The following SECISBP2 variants were observed in gnomAD, a reference collection of about 807,000 sequenced individuals.
SECISBP2 encodes the protein SECIS binding protein 2, also known as selenocysteine insertion sequence-binding protein 2.
A neutral mutation model predicts 98.2 loss-of-function variants in SECISBP2; 96 were observed. That is an observed-to-expected ratio of 0.98 (90% confidence interval 0.83 to 1.16). SECISBP2 has a LOEUF of 1.16. Ranked by LOEUF, SECISBP2 falls within the 50% of genes most tolerant of loss-of-function variation. The probability of loss-of-function intolerance (pLI) is 0.00; values close to 1 mark genes in which losing one functional copy is unlikely to be tolerated. For missense variants in SECISBP2, 1,046 were observed against 1,022.9 expected, an observed-to-expected ratio of 1.02 and a Z score of -0.31; for synonymous variants, 407 against 370.2, an observed-to-expected ratio of 1.10 and a Z score of -1.14.
chr9:89,360,952 GAA>G (rs1832715760), downstream of SECISBP2: 3 of 152,338 alleles, frequency 2.0e-5, no homozygotes, highest in African/African-American at 7.2e-5. Flanking sequence ...GACTTCAGGA[GAA>G]GAGACAGAAA....
intron 7 of SECISBP2, among the ~76,000 whole-genome samples, chr9:89,336,524 AAT>A (rs1554720338): frequency 1.3e-5 from 2 of 152,204 alleles, no homozygotes; most frequent in Non-Finnish European, 2.9e-5. Context: ...CCAAAAATGT[AAT>A]TAGCCCATTC....
chr9:89,350,763 T>G lies in SECISBP2; in HGVS notation c.2024T>G (p.Leu675Trp). ...GCCAAGACTAAACGTCGACTTGTGT[T>G]GGGGTTGAGGGAGGTTCTCAAACAC... ...VKAKTKRRLV[L>W]GLREVLKHLK... The change falls in exon 14 of 17, where the codon TTG becomes TGG. Residue 675 changes from leucine (L) to tryptophan (W), a missense_variant. Physicochemically the swap from Leu to Trp is moderately conservative, Grantham distance 61 (BLOSUM62 -2). Transcript: ENST00000375807. The G allele has an allele frequency of 1.2e-6, 2 of 1,614,226 alleles. No individual in the cohort carries two copies. Among genetic ancestry groups the G allele is most frequent in the Non-Finnish European group, 1.7e-6 (2 of 1,180,026 alleles).
intron 2 of SECISBP2, chr9:89,323,850 G>A (rs1217839976): frequency 1.3e-5 from 2 of 152,236 alleles, no homozygotes; most frequent in African/African-American, 2.4e-5. Context: ...TCCAGAGGAG[G>A]AAGGACCAGT....
At chr9:89,344,300 A>G (rs937421824) in intron 10 of SECISBP2, among the ~76,000 whole-genome samples, 1 of 152,190 alleles carries the variant, frequency 6.6e-6, no homozygotes, top group African/African-American at 2.4e-5. Flanking sequence ...TGCAATGCAG[A>G]AGCTCTTTAG....
At chr9:89,363,174 T>C (rs542631143), downstream of SECISBP2, among the ~76,000 whole-genome samples, 8 of 152,104 alleles carry the variant, frequency 5.3e-5, no homozygotes, top group East Asian at 1.4e-3. Context: ...CACCTGTGAG[T>C]CCCTCCCAGT....
chr9:89,324,050 T>C (rs1826262846), intron 2 of SECISBP2: 1 of 152,254 alleles, frequency 6.6e-6, no homozygotes, highest in Non-Finnish European at 1.5e-5. Flanking sequence ...TATCTATTTA[T>C]TGGACTTGGG....
At chr9:89,362,563 G>A, downstream of SECISBP2, 2 of 1,494,086 alleles carry the variant, frequency 1.3e-6, no homozygotes, top group Non-Finnish European at 1.9e-6. Context: ...TCCCCTCCTT[G>A]GAGTCTAAAG....
rs764708614 is a variant in SECISBP2, at chr9:89,338,501, C to G, written c.1133C>G (p.Ser378Ter). Residue 378 changes from serine to a stop codon, truncating the protein, a stop_gained, in exon 8 of 17, where the codon TCA becomes TGA. Transcript: ENST00000375807. LOFTEE classifies it high-confidence loss of function. ...QGSDLEQNEA[S>*]RKNKKKKEKS... Reference sequence around the variant, plus strand: ...AGTGACCTTGAACAAAATGAAGCCTCAAGAAAGAATAAGAAAAAGAAAGAA... The same window carrying G: ...AGTGACCTTGAACAAAATGAAGCCTGAAGAAAGAATAAGAAAAAGAAAGAA... The G allele has an allele frequency of 1.2e-6, 2 of 1,613,222 alleles. No homozygotes were observed. Among genetic ancestry groups the G allele is most frequent in the Non-Finnish European group, 1.7e-6 (2 of 1,179,812 alleles).
At chr9:89,335,982 C>T (rs1828604333) in intron 7 of SECISBP2, among the ~76,000 whole-genome samples, 1 of 148,816 alleles carries the variant, frequency 6.7e-6, no homozygotes, top group African/African-American at 2.5e-5. Flanking sequence ...ATTTTGTGAT[C>T]ATGTGGTACG....
At chr9:89,337,019 C>G (rs1479002192) in intron 7 of SECISBP2, among the ~76,000 whole-genome samples, 1 of 152,134 alleles carries the variant, frequency 6.6e-6, no homozygotes, top group Non-Finnish European at 1.5e-5. Flanking sequence ...GGTGATCCAT[C>G]TGCCTCGGCC....
chr9:89,327,350 T>A (rs1826908622), intron 4 of SECISBP2, among the ~76,000 whole-genome samples: 1 of 152,196 alleles, frequency 6.6e-6, no homozygotes, highest in Admixed American at 6.5e-5. Flanking sequence ...ACATGAAATT[T>A]ATAAAAGTAT....
intron 14 of SECISBP2, among the ~76,000 whole-genome samples, chr9:89,353,163 GT>G (rs1487316516): frequency 6.6e-6 from 1 of 152,200 alleles, no homozygotes; most frequent in Non-Finnish European, 1.5e-5. Flanking sequence ...AGATTCCAGA[GT>G]TTCTGCTTCA....
chr9:89,361,471 G>A (rs4877075), downstream of SECISBP2: 20,404 of 151,994 alleles, frequency 0.13, 1,855 homozygotes, highest in Admixed American at 0.3. Context: ...AAGAAGAGAC[G>A]TGTGTGTAAG....
intron 3 of SECISBP2, 43 bp from the exon 4 acceptor site, chr9:89,325,854 A>G: frequency 1.9e-6 from 3 of 1,612,290 alleles, no homozygotes; most frequent in Middle Eastern, 3.5e-4. Flanking sequence ...CCTTTTTTAT[A>G]GTGGTGGTTT....
downstream of SECISBP2, chr9:89,363,619 A>G: frequency 3.1e-6 from 5 of 1,595,434 alleles, no homozygotes; most frequent in South Asian, 4.4e-5. Flanking sequence ...TGGAAAGCCA[A>G]TAAAACCCAA....
chr9:89,355,073 A>T, intron 14 of SECISBP2: 1 of 985,338 alleles, frequency 1.0e-6, no homozygotes, highest in Non-Finnish European at 1.2e-6. Context: ...TGGGCAGAAT[A>T]AGGGCTGTGG....
intron 8 of SECISBP2, among the ~76,000 whole-genome samples, chr9:89,339,601 C>G (rs943452126): frequency 6.6e-6 from 1 of 152,136 alleles, no homozygotes; most frequent in Admixed American, 6.5e-5. Context: ...CCAAGGTGGT[C>G]CAAGGTCAGT....
chr9:89,334,063 T>C, intron 6 of SECISBP2: 1 of 1,108,182 alleles, frequency 9.0e-7, no homozygotes, highest in Non-Finnish European at 1.1e-6. Context: ...TTGCTGTACT[T>C]ATGCCTCTGT....
At chr9:89,357,128 T>C (rs1016986041) in intron 14 of SECISBP2, 22 of 448,008 alleles carry the variant, frequency 4.9e-5, no homozygotes, top group Non-Finnish European at 3.7e-5. Flanking sequence ...CTTTTGGGAT[T>C]TGGGGGAGGA....
Sources: gnomAD v4.1 joint callset for allele counts (sites outside exome capture counted in the v4.1 genomes callset) on GRCh38, gnomAD v4.1.1 for gene constraint, MANE v1.5 for transcripts, NCBI Gene and HGNC (gene_info 2026-07-23, HGNC 2026-07-21) for gene names.